The following ZNF510 variants were observed in gnomAD, a reference collection of about 807,000 sequenced individuals.
ZNF510 encodes the protein zinc finger protein 510.
Under a neutral mutation model 18.1 loss-of-function variants are expected in ZNF510, and 15 were observed. The observed-to-expected ratio is 0.83, with a 90% confidence interval of 0.55 to 1.28. The LOEUF (loss-of-function observed/expected upper bound fraction) is 1.28, where lower values mean the gene tolerates loss of function less well. Among genes scored for constraint, ZNF510 ranks in the 50% most tolerant of loss-of-function variants. The pLI is 0.00. For synonymous variants in ZNF510, 261 were observed against 266.4 expected (o/e 0.98, Z 0.20); for missense variants, 724 against 791.8 (o/e 0.91, Z 1.03).
At position 96,756,906 on chromosome 9, in the gene ZNF510, C is replaced by T. The variant is rs945344368; in HGVS notation, c.*1872G>A. ...CATACAATTATTCCTGATTAGAATT[C>T]TATGACTTATGCGAATTACAGGGAA... On this transcript the variant is annotated 3_prime_UTR_variant, in exon 6 of 6. Transcript: ENST00000223428. 1 of 152,232 alleles carries T rather than the reference C, an allele frequency of 6.6e-6. No individual in the cohort carries two copies. Among genetic ancestry groups the T allele is most frequent in the African/African-American group, 2.4e-5 (1 of 41,468 alleles). The allele number at this position is 152,232 out of a possible 1,614,324, so 9.4% of individuals were successfully genotyped here.
At chr9:96,777,160 G>A (rs35906155) in intron 1 of ZNF510, among the ~76,000 whole-genome samples, 22,934 of 152,030 alleles carry the variant, frequency 0.15, 4,026 homozygotes, top group African/African-American at 0.41. Context: ...AGGTGGCAGG[G>A]GCCTCAGTCT....
rs1223488988 is a variant in ZNF510, at chr9:96,759,503, G to T, written c.1327C>A (p.Gln443Lys). ...ECSECGKTFS[Q>K]KSHLSTHQRI... ...TGATGAGTACTGAGGTGTGACTTCTGGGAGAAAGTTTTTCCACATTCACTA... is the reference window on the plus strand; with the variant it reads ...TGATGAGTACTGAGGTGTGACTTCTTGGAGAAAGTTTTTCCACATTCACTA... Residue 443 changes from glutamine (Q) to lysine (K), a missense_variant, in exon 6 of 6, where the codon CAG becomes AAG. Gln to Lys is a moderately conservative substitution (Grantham distance 53, BLOSUM62 1). Transcript: ENST00000223428. 6.2e-7 allele frequency: 1 copy of T among 1,613,972 alleles called. No homozygotes were observed.
In ZNF510 at chr9:96,776,224, T is replaced by C; in HGVS notation, c.-155A>G. On this transcript the variant is annotated 5_prime_UTR_variant, in exon 2 of 6. Coordinates refer to ENST00000223428, the MANE Select transcript of ZNF510 (RefSeq NM_014930.3). ...GAGAGCAGTTCTTCGGTGGGACTCCTGTTCCTGGGGCTCCCTCCTTCCTGC... is the reference window on the plus strand; with the variant it reads ...GAGAGCAGTTCTTCGGTGGGACTCCCGTTCCTGGGGCTCCCTCCTTCCTGC... 7.5e-7 allele frequency: 1 copy of C among 1,328,876 alleles called. No individual in the cohort carries two copies. Among genetic ancestry groups the C allele is most frequent in the Non-Finnish European group, 9.8e-7 (1 of 1,024,580 alleles). 82.3% of individuals were successfully genotyped at this position (1,328,876 alleles called of 1,614,324 possible).
Position 96,757,876 on chromosome 9 carries a change from A to C in ZNF510, c.*902T>G, listed in dbSNP as rs1849233088. ...AAGCACTGTCATACCCTGACAGGTG[A>C]TCTGATAACTAAAATGTCAAGTAAG... On this transcript the variant is annotated 3_prime_UTR_variant, in exon 6 of 6. Transcript: ENST00000223428. 6.6e-6 allele frequency: 1 copy of C among 152,164 alleles called. No individual in the cohort carries two copies. Among genetic ancestry groups the C allele is most frequent in the African/African-American group, 2.4e-5 (1 of 41,420 alleles). 9.4% of individuals were successfully genotyped at this position (152,164 alleles called of 1,614,324 possible).
At position 96,755,481 on chromosome 9, in the gene ZNF510, T is replaced by C. The variant is rs888019276; in HGVS notation, c.*3297A>G. On this transcript the variant is annotated 3_prime_UTR_variant, in exon 6 of 6. Transcript: ENST00000223428. The stretch of plus-strand genomic sequence containing the variant: ...CCAGGGGTAACCTTATGCTCTCCTA[T>C]TGTCAATGCATTTTCTTGGTAAGGC... Among the ~76,000 whole-genome samples the C allele has an allele frequency of 2.0e-5, 3 of 152,190 alleles. No individual in the cohort carries two copies. Among genetic ancestry groups the C allele is most frequent in the Non-Finnish European group, 2.9e-5 (2 of 68,034 alleles).
At chr9:96,776,961 A>AG (rs1238017462) in intron 1 of ZNF510, among the ~76,000 whole-genome samples, 1 of 152,246 alleles carries the variant, frequency 6.6e-6, no homozygotes, top group African/African-American at 2.4e-5. Context: ...AAATGTGGCT[A>AG]GGACCACATG....
chr9:96,776,354 C>A, intron 1 of ZNF510, 109 bp from the exon 2 acceptor site: 1 of 379,162 alleles, frequency 2.6e-6, no homozygotes, highest in South Asian at 3.8e-5. Context: ...CACGTCAGCA[C>A]AACTTCCATT....
intron 3 of ZNF510, among the ~76,000 whole-genome samples, chr9:96,771,819 A>T (rs1849591194): frequency 2.0e-5 from 3 of 152,280 alleles, no homozygotes. Context: ...ACTAACAATA[A>T]ACTGGAAAAT....
chr9:96,777,326 G>C (rs904141063), intron 1 of ZNF510, among the ~76,000 whole-genome samples: 1 of 152,176 alleles, frequency 6.6e-6, no homozygotes, highest in African/African-American at 2.4e-5. Flanking sequence ...TAGGTAGGTA[G>C]GCCATTACAA....
In ZNF510 at chr9:96,754,938, G is replaced by T. The variant is rs1178119508; in HGVS notation, c.*3840C>A. ...CAGACAGAAAATCAGCTCCTCCAGA[G>T]TCTCTAGATGAGGCATCCATCTGCT... On this transcript the variant is annotated 3_prime_UTR_variant, in exon 6 of 6. Coordinates refer to ENST00000223428, the MANE Select transcript of ZNF510 (RefSeq NM_014930.3). Among the ~76,000 whole-genome samples the T allele has an allele frequency of 6.6e-6, 1 of 152,240 alleles. No homozygotes were observed. Among genetic ancestry groups the T allele is most frequent in the East Asian group, 1.9e-4 (1 of 5,202 alleles).
chr9:96,775,172 G>A (rs550248789), intron 2 of ZNF510, among the ~76,000 whole-genome samples: 40 of 151,798 alleles, frequency 2.6e-4, no homozygotes, highest in Non-Finnish European at 4.7e-4. Context: ...CAATTCTCCC[G>A]TCTCAGCCTC....
Position 96,759,502 on chromosome 9 carries a change from T to C in ZNF510, c.1328A>G (p.Gln443Arg), listed in dbSNP as rs139940378. The C allele has an allele frequency of 3.1e-4, 496 of 1,613,960 alleles. No homozygotes were observed. The highest frequency in any genetic ancestry group is 9.3e-4 in the Admixed American group (56 of 60,004). Residue 443 changes from glutamine (Q) to arginine (R), a missense_variant, in exon 6 of 6, where the codon CAG becomes CGG. Coordinates refer to ENST00000223428, the MANE Select transcript of ZNF510 (RefSeq NM_014930.3). ...ECSECGKTFS[Q>R]KSHLSTHQRI... ...CTGATGAGTACTGAGGTGTGACTTC[T>C]GGGAGAAAGTTTTTCCACATTCACT...
Position 96,758,057 on chromosome 9 carries a change from T to G in ZNF510, c.*721A>C, listed in dbSNP as rs1443413164. On this transcript the variant is annotated 3_prime_UTR_variant, in exon 6 of 6. Coordinates refer to ENST00000223428, the MANE Select transcript of ZNF510 (RefSeq NM_014930.3). Reference sequence around the variant, plus strand: ...AGGAATTGTTTATTTCTGGATCCATTTAATAACTTTAAAGTACAGTTGACC... The same window carrying G: ...AGGAATTGTTTATTTCTGGATCCATGTAATAACTTTAAAGTACAGTTGACC... The G allele has an allele frequency of 6.6e-6, 1 of 152,206 alleles. No homozygotes were observed. Among genetic ancestry groups the G allele is most frequent in the Non-Finnish European group, 1.5e-5 (1 of 68,032 alleles). The allele number at this position is 152,206 out of a possible 1,614,324, so 9.4% of individuals were successfully genotyped here. A position where few individuals can be genotyped will look rare whatever the true frequency, so the allele number is the denominator to read the frequency against.
At chr9:96,765,303 A>C (rs1034647800) in intron 3 of ZNF510, among the ~76,000 whole-genome samples, 4 of 152,154 alleles carry the variant, frequency 2.6e-5, no homozygotes, top group Non-Finnish European at 4.4e-5. Context: ...TGCAACCTCA[A>C]AATCAACACT....
At chr9:96,763,483 G>C (rs372237724) in intron 4 of ZNF510, 23 bp downstream of exon 4, 86 of 1,586,606 alleles carry the variant, frequency 5.4e-5, no homozygotes, top group Non-Finnish European at 6.7e-5. Context: ...AGTTACAAGG[G>C]TAAGTTATGT....
rs1378010441 is a variant in ZNF510, at chr9:96,757,925, A to G, written c.*853T>C. The G allele has an allele frequency of 6.6e-6, 1 of 152,238 alleles. No individual in the cohort carries two copies. Among genetic ancestry groups the G allele is most frequent in the Non-Finnish European group, 1.5e-5 (1 of 68,040 alleles). 9.4% of individuals were successfully genotyped at this position (152,238 alleles called of 1,614,324 possible). A position where few individuals can be genotyped will look rare whatever the true frequency, so the allele number is the denominator to read the frequency against. On this transcript the variant is annotated 3_prime_UTR_variant, in exon 6 of 6. Coordinates refer to ENST00000223428, the MANE Select transcript of ZNF510 (RefSeq NM_014930.3). ...AGTGACTAACTGGCAGATAGTGTAT[A>G]CACTGTGGATATGCTAGACTAAGGA...
In ZNF510 at chr9:96,765,003, C is replaced by T. The variant is rs527290605; in HGVS notation, c.130-1371G>A. 1.6e-4 allele frequency among the ~76,000 whole-genome samples: 24 copies of T among 152,188 alleles called. No individual in the cohort carries two copies. In the East Asian group the frequency reaches 4.5e-3, roughly 28 times the overall value. On this transcript the variant is annotated intron_variant, in intron 3 of 5. Coordinates refer to ENST00000223428, the MANE Select transcript of ZNF510 (RefSeq NM_014930.3). ...TGGTGAGTGCCTGTAATCCTAGCTA[C>T]TCAGGAGGCTGAGGCAGGAGAATCG...
Position 96,759,201 on chromosome 9 carries a change from A to G in ZNF510, c.1629T>C (p.Thr543=), listed in dbSNP as rs781639129. The change falls in exon 6 of 6, where the codon ACT becomes ACC. Residue 543 remains threonine (T), a synonymous_variant. Coordinates refer to ENST00000223428, the MANE Select transcript of ZNF510 (RefSeq NM_014930.3). The part of the protein sequence containing the change: ...IHQRTHTGEK[T]YQCNECEKSF... ...ATTTTTCACATTCATTACACTGGTA[A>G]GTTTTCTCCCCAGTGTGAGTTCTCT... The G allele has an allele frequency of 6.2e-7, 1 of 1,612,408 alleles. No individual in the cohort carries two copies. The highest frequency in any genetic ancestry group is 8.5e-7 in the Non-Finnish European group (1 of 1,179,564).
intron 3 of ZNF510, among the ~76,000 whole-genome samples, chr9:96,767,698 G>A (rs1257472326): frequency 6.6e-6 from 1 of 152,230 alleles, no homozygotes; most frequent in Non-Finnish European, 1.5e-5. Flanking sequence ...CATCCGAACA[G>A]ACTGATATAA....
Sources: gnomAD v4.1 joint callset for allele counts (sites outside exome capture counted in the v4.1 genomes callset) on GRCh38, gnomAD v4.1.1 for gene constraint, MANE v1.5 for transcripts, NCBI Gene and HGNC (gene_info 2026-07-23, HGNC 2026-07-21) for gene names.